Variants in TTLL7 observed in about 807,000 individuals in gnomAD.
TTLL7 encodes tubulin polyglutamylase TTLL7.
TTLL7 carries 53 observed loss-of-function variants against 120.2 expected under a neutral mutation model. The ratio of observed to expected loss-of-function variants is 0.44; its 90% CI spans 0.35 to 0.55. TTLL7 has a LOEUF of 0.55. Among genes scored for constraint, TTLL7 ranks in the 20% least tolerant of loss-of-function variants. The probability of loss-of-function intolerance (pLI) is 0.00; values close to 1 mark genes in which losing one functional copy is unlikely to be tolerated. For missense variants in TTLL7, 803 were observed against 1,054.7 expected (o/e 0.76, Z 3.31); for synonymous variants, 353 against 351.7 (o/e 1.00, Z -0.04).
chr1:83,925,708 C>T (rs1371819841), intron 10 of TTLL7, among the ~76,000 whole-genome samples: 1 of 152,116 alleles, frequency 6.6e-6, no homozygotes, highest in Non-Finnish European at 1.5e-5. Flanking sequence ...GGATAATTAC[C>T]ATTGTATTGT....
chr1:83,919,259 AGTGTGTGT>A (rs111745254), intron 13 of TTLL7, among the ~76,000 whole-genome samples: 3,717 of 147,034 alleles, frequency 0.025, 71 homozygotes, highest in Non-Finnish European at 0.037. Flanking sequence ...TACAGATTAG[AGTGTGTGT>A]GTGTGTGTGT....
At chr1:83,966,533 T>C (rs943429277) in intron 1 of TTLL7, among the ~76,000 whole-genome samples, 2 of 152,022 alleles carry the variant, frequency 1.3e-5, no homozygotes, top group African/African-American at 4.8e-5. Context: ...CTGGAGGAAA[T>C]GATATACCAA....
At position 83,906,068 on chromosome 1, in the gene TTLL7, G is replaced by C. The variant is rs1013715549; in HGVS notation, c.2127+261C>G. On this transcript the variant is annotated intron_variant, in intron 17 of 20. Transcript: ENST00000260505. The stretch of plus-strand genomic sequence containing the variant: ...TATTTAACACTAATTATTCTGACTT[G>C]ATGAAGCAGACTTATCATTAAAATA... 5.9e-5 allele frequency among the ~76,000 whole-genome samples: 9 copies of C among 152,050 alleles called. No individual in the cohort carries two copies. The East Asian group carries it at 1.7e-3, about 29-fold the overall frequency.
intron 1 of TTLL7, among the ~76,000 whole-genome samples, chr1:83,987,787 A>G (rs1179383532): frequency 1.3e-5 from 2 of 152,242 alleles, no homozygotes; most frequent in African/African-American, 4.8e-5. Context: ...TTTGCAAAAC[A>G]TATTATCTGA....
intron 19 of TTLL7, chr1:83,887,229 G>C (rs1356700408): frequency 1.7e-6 from 2 of 1,194,576 alleles, no homozygotes; most frequent in Non-Finnish European, 2.1e-6. Flanking sequence ...CAAGGCCTTG[G>C]ATTCTTGGAT....
intron 1 of TTLL7, among the ~76,000 whole-genome samples, chr1:83,997,895 G>C (rs191595433): frequency 4.5e-4 from 68 of 152,260 alleles, no homozygotes; most frequent in African/African-American, 1.6e-3. Flanking sequence ...CTCCTATGTA[G>C]TGTTGTTCAC....
intron 18 of TTLL7, chr1:83,902,266 G>C (rs1301760415): frequency 4.6e-5 from 7 of 151,350 alleles, no homozygotes; most frequent in Admixed American, 1.3e-4. Context: ...AAACCTTCTT[G>C]TTGGCCCACA....
intron 1 of TTLL7, among the ~76,000 whole-genome samples, chr1:83,955,652 A>G (rs1388016649): frequency 6.6e-6 from 1 of 152,208 alleles, no homozygotes; most frequent in African/African-American, 2.4e-5. Context: ...TCTATTGTTT[A>G]TAAGTTATCC....
At chr1:83,995,168 G>C (rs1022189366) in intron 1 of TTLL7, among the ~76,000 whole-genome samples, 1 of 152,090 alleles carries the variant, frequency 6.6e-6, no homozygotes, top group African/African-American at 2.4e-5. Flanking sequence ...AATCTGAGGA[G>C]CCACAGACAA....
chr1:83,888,123 T>C (rs569804636), intron 19 of TTLL7, among the ~76,000 whole-genome samples: 86 of 152,116 alleles, frequency 5.7e-4, no homozygotes, highest in African/African-American at 1.8e-3. Flanking sequence ...GGGTCTGGTG[T>C]TGGAGATTAT....
chr1:83,948,834 A>C, intron 4 of TTLL7, 139 bp from the exon 5 acceptor site: 1 of 586,996 alleles, frequency 1.7e-6, no homozygotes. Flanking sequence ...TTAATGTTAA[A>C]TGACCTACAG....
At chr1:83,903,389 C>T (rs938568023) in intron 18 of TTLL7, among the ~76,000 whole-genome samples, 14 of 151,998 alleles carry the variant, frequency 9.2e-5, no homozygotes, top group African/African-American at 3.4e-4. Flanking sequence ...TAAGTCTCTG[C>T]TCAAATACTA....
At chr1:83,937,308 A>G (rs1647495113) in intron 8 of TTLL7, among the ~76,000 whole-genome samples, 4 of 151,836 alleles carry the variant, frequency 2.6e-5, no homozygotes, top group Admixed American at 2.6e-4. Flanking sequence ...GGTTCAAGCA[A>G]TTCTTCTGCC....
intron 13 of TTLL7, 57 bp from the exon 14 acceptor site, chr1:83,917,747 A>C: frequency 8.6e-7 from 1 of 1,158,230 alleles, no homozygotes; most frequent in Non-Finnish European, 1.3e-6. Flanking sequence ...GAATTTTTCC[A>C]AGTTGATTAA....
intron 1 of TTLL7, among the ~76,000 whole-genome samples, chr1:83,990,662 G>T (rs1652915001): frequency 6.6e-6 from 1 of 152,168 alleles, no homozygotes; most frequent in African/African-American, 2.4e-5. Context: ...ATATCATATT[G>T]CACCCATTAA....
intron 1 of TTLL7, among the ~76,000 whole-genome samples, chr1:83,992,660 T>C (rs956408222): frequency 1.3e-5 from 2 of 152,104 alleles, no homozygotes; most frequent in Non-Finnish European, 2.9e-5. Flanking sequence ...TATCTGCTAA[T>C]CTTTAAAATT....
chr1:83,914,503 T>C (rs1270424031), intron 14 of TTLL7, among the ~76,000 whole-genome samples: 5 of 152,018 alleles, frequency 3.3e-5, no homozygotes, highest in African/African-American at 1.2e-4. Flanking sequence ...AGCTAATTTT[T>C]GTATTTTTAG....
rs181089540 is a variant in TTLL7 at position 83,915,032 on chromosome 1, G to A, written c.1587+2572C>T. On this transcript the variant is annotated intron_variant, in intron 14 of 20. Transcript: ENST00000260505. ...TAAAAGTGTTATTTATGGAACAGCAGGAGAAAGAAAGAAGGGAAGGTCTAA... is the reference window on the plus strand; with the variant it reads ...TAAAAGTGTTATTTATGGAACAGCAAGAGAAAGAAAGAAGGGAAGGTCTAA... 9.2e-5 allele frequency among the ~76,000 whole-genome samples: 14 copies of A among 152,224 alleles called. No individual in the cohort carries two copies. The East Asian group carries it at 2.3e-3, about 25-fold the overall frequency.
At position 83,965,124 on chromosome 1, in the gene TTLL7, TA is replaced by T. The variant is rs112140689; in HGVS notation, c.-176-12738del. ...TCTCCCCAGTCAATCTATTTTTTTT[TA>T]AAATAGACTTGCTTATATTAAGAAC... On this transcript the variant is annotated intron_variant, in intron 1 of 20. Transcript: ENST00000260505. Among the ~76,000 whole-genome samples, 944 of 133,022 alleles carry T rather than the reference TA, an allele frequency of 7.1e-3. 6 individuals are homozygous for T. The highest frequency in any genetic ancestry group is 0.025 in the African/African-American group (893 of 35,808). 87.3% of individuals were successfully genotyped at this position (133,022 alleles called of 152,430 possible).
Sources: allele counts gnomAD v4.1 joint callset (sites outside exome capture counted in the v4.1 genomes callset), GRCh38; gene constraint gnomAD v4.1.1; transcripts MANE v1.5; gene names NCBI Gene and HGNC (gene_info 2026-07-23, HGNC 2026-07-21).